The following H2AC1 variants were observed in gnomAD, a reference collection of about 807,000 sequenced individuals.
H2AC1 encodes histone H2A type 1-A.
For missense variants in H2AC1, 218 were observed against 173.8 expected, an observed-to-expected ratio of 1.25 and a Z score of -1.43; for synonymous variants, 145 against 70.0, an observed-to-expected ratio of 2.07 and a Z score of -5.35.
rs147403459 is a variant in H2AC1, at chr6:25,726,159, A to T, written c.369T>A (p.Ser123Arg). Reference protein sequence around the residue: ...QAVLLPKKTESHHHKAQSK With the variant: ...QAVLLPKKTERHHHKAQSK ...ACTTGCTTTGGGCTTTATGGTGGTG[A>T]CTCTCAGTCTTCTTGGGCAGCAGCA... The change falls in exon 1 of 1, where the codon AGT becomes AGA. Residue 123 changes from serine to arginine, a missense_variant. Transcript: ENST00000297012. 20 of 1,558,216 alleles carry T rather than the reference A, an allele frequency of 1.3e-5. No homozygotes were observed. The highest frequency in any genetic ancestry group is 7.7e-5 in the Admixed American group (4 of 51,666).
At position 25,726,191 on chromosome 6, in the gene H2AC1, G is replaced by C. The variant is rs1234680985; in HGVS notation, c.337C>G (p.Gln113Glu). ...GTCTTCTTGGGCAGCAGCACTGCCT[G>C]AATGTTAGGCAGGACTCCGCCCTGG... is the stretch of plus-strand genomic sequence containing the variant. ...IAQGGVLPNI[Q>E]AVLLPKKTES... The change falls in exon 1 of 1, where the codon CAG becomes GAG. Residue 113 changes from glutamine to glutamate, a missense_variant. Transcript: ENST00000297012. 1.3e-6 allele frequency: 2 copies of C among 1,599,548 alleles called. No homozygotes were observed. Among genetic ancestry groups the C allele is most frequent in the Non-Finnish European group, 1.7e-6 (2 of 1,170,720 alleles).
At position 25,726,505 on chromosome 6, in the gene H2AC1, C is replaced by A; in HGVS notation, c.23G>T (p.Gly8Val). 6.2e-7 allele frequency: 1 copy of A among 1,610,860 alleles called. No homozygotes were observed. The highest frequency in any genetic ancestry group is 1.7e-5 in the Admixed American group (1 of 59,962). MSGRGKQ[G>V]GKARAKSKSR... ...CTTAGACTTGGCGCGTGCTTTTCCT[C>A]CCTGCTTCCCTCGTCCAGACATCTC... The change falls in exon 1 of 1, where the codon GGA becomes GTA. Residue 8 changes from glycine (G) to valine (V), a missense_variant. By Grantham distance (109) the Gly-to-Val change is moderately radical. Coordinates refer to ENST00000297012, the MANE Select transcript of H2AC1 (RefSeq NM_170745.3).
In H2AC1 at chr6:25,726,186, T is replaced by C. The variant is rs144269597; in HGVS notation, c.342A>G (p.Ala114=). The change falls in exon 1 of 1, where the codon GCA becomes GCG. Residue 114 remains alanine, a synonymous_variant. Coordinates refer to ENST00000297012, the MANE Select transcript of H2AC1 (RefSeq NM_170745.3). ...TCTCAGTCTTCTTGGGCAGCAGCAC[T>C]GCCTGAATGTTAGGCAGGACTCCGC... ...AQGGVLPNIQ[A]VLLPKKTESH... is the part of the protein sequence containing the mutation. 6.3e-6 allele frequency: 10 copies of C among 1,594,528 alleles called. No homozygotes were observed. Among genetic ancestry groups the C allele is most frequent in the African/African-American group, 2.7e-5 (2 of 74,414 alleles).
chr6:25,726,471 A>AT lies in H2AC1; in HGVS notation c.56_57insA (p.Ser20PhefsTer2), dbSNP rs775968758. ...CGGGAAACTGCAAACCCGCTCTAGAAGAGCGAGACTTAGACTTGGCGCGTG... is the reference window on the plus strand; with the variant it reads ...CGGGAAACTGCAAACCCGCTCTAGAATGAGCGAGACTTAGACTTGGCGCGTG... On this transcript the variant is annotated frameshift_variant, in exon 1 of 1. Transcript: ENST00000297012. LOFTEE classifies it low-confidence loss of function (END_TRUNC). 1 of 1,613,906 alleles carries AT rather than the reference A, an allele frequency of 6.2e-7. No homozygotes were observed. The highest frequency in any genetic ancestry group is 8.5e-7 in the Non-Finnish European group (1 of 1,180,000).
rs764283416 is a variant in H2AC1 at position 25,726,542 on chromosome 6, T to C, written c.-15A>G. The C allele has an allele frequency of 3.8e-6, 6 of 1,598,746 alleles. No homozygotes were observed. Among genetic ancestry groups the C allele is most frequent in the South Asian group, 1.1e-5 (1 of 89,702 alleles). ...CGTCCAGACATCTCCTCGCATCAAA[T>C]TGCAGCAACACGAGAACCACATTTC... is the stretch of plus-strand genomic sequence containing the variant. On this transcript the variant is annotated 5_prime_UTR_variant, in exon 1 of 1. Coordinates refer to ENST00000297012, the MANE Select transcript of H2AC1 (RefSeq NM_170745.3).
Position 25,726,159 on chromosome 6 carries a change from ACT to A in H2AC1, c.367_368del (p.His124ProfsTer3), listed in dbSNP as rs1561779180. 1.3e-6 allele frequency: 2 copies of A among 1,558,334 alleles called. No individual in the cohort carries two copies. The highest frequency in any genetic ancestry group is 1.7e-6 in the Non-Finnish European group (2 of 1,151,000). ...ACTTGCTTTGGGCTTTATGGTGGTGACTCTCAGTCTTCTTGGGCAGCAGCACT... is the reference window on the plus strand; with the variant it reads ...ACTTGCTTTGGGCTTTATGGTGGTGACTCAGTCTTCTTGGGCAGCAGCACT... Reference protein sequence around the residue: ...QAVLLPKKTESHHHKAQSK With the variant: ...QAVLLPKKTEXHHHKAQSK On this transcript the variant is annotated frameshift_variant, in exon 1 of 1. Coordinates refer to ENST00000297012, the MANE Select transcript of H2AC1 (RefSeq NM_170745.3). LOFTEE classifies it high-confidence loss of function.
In H2AC1 at chr6:25,726,314, G is replaced by A. The variant is rs772978548; in HGVS notation, c.214C>T (p.Arg72Cys). ...EILELAGNASRDNKKTRIIPR... is the reference protein window; with the variant it reads ...EILELAGNASCDNKKTRIIPR... Reference sequence around the variant, plus strand: ...ATAATGCGAGTTTTTTTGTTATCGCGAGACGCATTGCCTGCCAGCTCAAGG... The same window carrying A: ...ATAATGCGAGTTTTTTTGTTATCGCAAGACGCATTGCCTGCCAGCTCAAGG... The change falls in exon 1 of 1, where the codon CGC (arginine) becomes TGC (cysteine). Residue 72 changes from arginine (R) to cysteine (C), a missense_variant. Transcript: ENST00000297012. 2 of 1,614,088 alleles carry A rather than the reference G, an allele frequency of 1.2e-6. No homozygotes were observed.
rs768531924 is a variant in H2AC1, at chr6:25,726,468, A to G, written c.60T>C (p.Ser20=). The G allele has an allele frequency of 3.2e-5, 51 of 1,613,692 alleles. No individual in the cohort carries two copies. Among genetic ancestry groups the G allele is most frequent in the East Asian group, 6.7e-5 (3 of 44,884 alleles). ...KARAKSKSRS[S]RAGLQFPVGR... is the part of the protein sequence containing the mutation. ...CTACGGGAAACTGCAAACCCGCTCT[A>G]GAAGAGCGAGACTTAGACTTGGCGC... Residue 20 remains serine, a synonymous_variant, in exon 1 of 1, where the codon TCT becomes TCC. Transcript: ENST00000297012.
rs368694550 is a variant in H2AC1, at chr6:25,726,489, G to C, written c.39C>G (p.Ala13=). 33 of 1,612,398 alleles carry C rather than the reference G, an allele frequency of 2.0e-5. No individual in the cohort carries two copies. The highest frequency in any genetic ancestry group is 6.6e-5 in the South Asian group (6 of 91,056). ...CTCTAGAAGAGCGAGACTTAGACTTGGCGCGTGCTTTTCCTCCCTGCTTCC... is the reference window on the plus strand; with the variant it reads ...CTCTAGAAGAGCGAGACTTAGACTTCGCGCGTGCTTTTCCTCCCTGCTTCC... ...GRGKQGGKAR[A]KSKSRSSRAG... The change falls in exon 1 of 1, where the codon GCC becomes GCG. Residue 13 remains alanine, a synonymous_variant. Transcript: ENST00000297012.
rs1760247398 is a variant in H2AC1 at position 25,726,431 on chromosome 6, G to C, written c.97C>G (p.Arg33Gly). The C allele has an allele frequency of 6.2e-7, 1 of 1,614,052 alleles. No individual in the cohort carries two copies. Among genetic ancestry groups the C allele is most frequent in the Non-Finnish European group, 8.5e-7 (1 of 1,180,028 alleles). The change falls in exon 1 of 1, where the codon CGT becomes GGT. Residue 33 changes from arginine (R) to glycine (G), a missense_variant. Physicochemically the swap from Arg to Gly is moderately radical, Grantham distance 125. Transcript: ENST00000297012. ...GLQFPVGRIH[R>G]LLRKGNYAER... Reference sequence around the variant, plus strand: ...GCATAGTTTCCCTTACGAAGCAGACGATGGATCCGGCCTACGGGAAACTGC... The same window carrying C: ...GCATAGTTTCCCTTACGAAGCAGACCATGGATCCGGCCTACGGGAAACTGC...
In H2AC1 at chr6:25,726,289, A is replaced by T. The variant is rs770350629; in HGVS notation, c.239T>A (p.Ile80Asn). The change falls in exon 1 of 1, where the codon ATT becomes AAT. Residue 80 changes from isoleucine to asparagine, a missense_variant. By Grantham distance (149) the Ile-to-Asn change is moderately radical. Transcript: ENST00000297012. ...ASRDNKKTRIIPRHLQLAIRN... is the reference protein window; with the variant it reads ...ASRDNKKTRINPRHLQLAIRN... ...GATCGCTAGCTGCAGGTGGCGGGGA[A>T]TAATGCGAGTTTTTTTGTTATCGCG... 6.2e-7 allele frequency: 1 copy of T among 1,614,122 alleles called. No individual in the cohort carries two copies. The highest frequency in any genetic ancestry group is 8.5e-7 in the Non-Finnish European group (1 of 1,179,988).
Position 25,726,217 on chromosome 6 carries a change from G to C in H2AC1, c.311C>G (p.Ala104Gly). 6.2e-7 allele frequency: 1 copy of C among 1,611,982 alleles called. No homozygotes were observed. The highest frequency in any genetic ancestry group is 8.5e-7 in the Non-Finnish European group (1 of 1,178,492). The change falls in exon 1 of 1, where the codon GCC becomes GGC. Residue 104 changes from alanine to glycine, a missense_variant. Transcript: ENST00000297012. ...AATGTTAGGCAGGACTCCGCCCTGG[G>C]CAATGGTCACGCCGCCCAAAAGCTT... is the stretch of plus-strand genomic sequence containing the variant. The part of the protein sequence containing the change: ...LNKLLGGVTI[A>G]QGGVLPNIQA...
chr6:25,726,237 A>G lies in H2AC1; in HGVS notation c.291T>C (p.Leu97=), dbSNP rs372043302. The G allele has an allele frequency of 4.3e-6, 7 of 1,613,444 alleles. No homozygotes were observed. The African/African-American group carries it at 6.7e-5, about 15-fold the overall frequency. ...CCTGGGCAATGGTCACGCCGCCCAA[A>G]AGCTTATTGAGTTCCTCATCATTGC... ...AIRNDEELNK[L]LGGVTIAQGG... is the part of the protein sequence containing the mutation. Residue 97 remains leucine, a synonymous_variant, in exon 1 of 1, where the codon CTT becomes CTC. Coordinates refer to ENST00000297012, the MANE Select transcript of H2AC1 (RefSeq NM_170745.3).
Position 25,726,108 on chromosome 6 carries a change from C to T in H2AC1, c.*24G>A, listed in dbSNP as rs767683699. ...CTTTTGTTTTTTCTGACACAGAAGT[C>T]TTTTTACCAATGACAACCTTAAGTT... On this transcript the variant is annotated 3_prime_UTR_variant, in exon 1 of 1. Transcript: ENST00000297012. 13 of 1,503,298 alleles carry T rather than the reference C, an allele frequency of 8.6e-6. No individual in the cohort carries two copies. The highest frequency in any genetic ancestry group is 1.2e-5 in the Non-Finnish European group (13 of 1,125,284). 93.1% of individuals were successfully genotyped at this position (1,503,298 alleles called of 1,614,324 possible). A position where few individuals can be genotyped will look rare whatever the true frequency, so the allele number is the denominator to read the frequency against.
Position 25,726,074 on chromosome 6 carries a change from G to T in H2AC1, c.*58C>A, listed in dbSNP as rs923395168. On this transcript the variant is annotated 3_prime_UTR_variant, in exon 1 of 1. Coordinates refer to ENST00000297012, the MANE Select transcript of H2AC1 (RefSeq NM_170745.3). ...TTTTTCTGAGACGGTAGGTGGCTCT[G>T]AAAAGAGCCTTTTGTTTTTTCTGAC... The T allele has an allele frequency of 1.4e-6, 2 of 1,453,284 alleles. No homozygotes were observed. The highest frequency in any genetic ancestry group is 1.8e-6 in the Non-Finnish European group (2 of 1,083,028). The allele number at this position is 1,453,284 out of a possible 1,614,324, so 90.0% of individuals were successfully genotyped here. A position where few individuals can be genotyped will look rare whatever the true frequency, so the allele number is the denominator to read the frequency against.
chr6:25,726,397 A>T lies in H2AC1; in HGVS notation c.131T>A (p.Ile44Lys). ...CAAATACACTGGTGCGCCTGCCCCT[A>T]TCCGCTCTGCATAGTTTCCCTTACG... ...LLRKGNYAER[I>K]GAGAPVYLAA... Residue 44 changes from isoleucine (I) to lysine (K), a missense_variant, in exon 1 of 1, where the codon ATA (isoleucine) becomes AAA (lysine). Physicochemically the swap from Ile to Lys is moderately radical, Grantham distance 102 (BLOSUM62 -3). Transcript: ENST00000297012. The T allele has an allele frequency of 6.2e-7, 1 of 1,614,158 alleles. No homozygotes were observed. The highest frequency in any genetic ancestry group is 8.5e-7 in the Non-Finnish European group (1 of 1,180,024).
Position 25,726,183 on chromosome 6 carries a change from C to A in H2AC1, c.345G>T (p.Val115=). 6.3e-7 allele frequency: 1 copy of A among 1,592,582 alleles called. No homozygotes were observed. Among genetic ancestry groups the A allele is most frequent in the Admixed American group, 1.7e-5 (1 of 58,640 alleles). The change falls in exon 1 of 1, where the codon GTG becomes GTT. Residue 115 remains valine (V), a synonymous_variant. Coordinates refer to ENST00000297012, the MANE Select transcript of H2AC1 (RefSeq NM_170745.3). ...GACTCTCAGTCTTCTTGGGCAGCAG[C>A]ACTGCCTGAATGTTAGGCAGGACTC... is the stretch of plus-strand genomic sequence containing the variant. The part of the protein sequence containing the change: ...QGGVLPNIQA[V]LLPKKTESHH...
In H2AC1 at chr6:25,726,321, A is replaced by G. The variant is rs2151389669; in HGVS notation, c.207T>C (p.Asn69=). ...LTAEILELAG[N]ASRDNKKTRI... The stretch of plus-strand genomic sequence containing the variant: ...GAGTTTTTTTGTTATCGCGAGACGC[A>G]TTGCCTGCCAGCTCAAGGATTTCTG... The change falls in exon 1 of 1, where the codon AAT becomes AAC. Residue 69 remains asparagine (N), a synonymous_variant. Coordinates refer to ENST00000297012, the MANE Select transcript of H2AC1 (RefSeq NM_170745.3). 3 of 1,614,106 alleles carry G rather than the reference A, an allele frequency of 1.9e-6. No individual in the cohort carries two copies. The highest frequency in any genetic ancestry group is 2.5e-6 in the Non-Finnish European group (3 of 1,180,016).
At position 25,726,349 on chromosome 6, in the gene H2AC1, G is replaced by A. The variant is rs777472670; in HGVS notation, c.179C>T (p.Thr60Ile). The change falls in exon 1 of 1, where the codon ACA (threonine) becomes ATA (isoleucine). Residue 60 changes from threonine to isoleucine, a missense_variant. Physicochemically the swap from Thr to Ile is moderately conservative, Grantham distance 89. Transcript: ENST00000297012. The stretch of plus-strand genomic sequence containing the variant: ...GCCTGCCAGCTCAAGGATTTCTGCT[G>A]TGAGATACTCTAACACTGCCGCCAA... Reference protein sequence around the residue: ...VYLAAVLEYLTAEILELAGNA... With the variant: ...VYLAAVLEYLIAEILELAGNA... The A allele has an allele frequency of 2.5e-6, 4 of 1,614,168 alleles. No individual in the cohort carries two copies. The highest frequency in any genetic ancestry group is 3.4e-6 in the Non-Finnish European group (4 of 1,180,036).
Sources: gnomAD v4.1 joint callset for allele counts on GRCh38, gnomAD v4.1.1 for gene constraint, MANE v1.5 for transcripts, NCBI Gene and HGNC (gene_info 2026-07-23, HGNC 2026-07-21) for gene names.